LRP2: variants seen among roughly 807,000 people sequenced by gnomAD.
LRP2 encodes the protein LDL receptor related protein 2, also known as low-density lipoprotein receptor-related protein 2.
In LRP2, 172 loss-of-function variants were observed where a neutral mutation model predicts 531.0. The ratio of observed to expected loss-of-function variants is 0.32; its 90% CI spans 0.29 to 0.37. The LOEUF (loss-of-function observed/expected upper bound fraction) is 0.37. Among genes scored for constraint, LRP2 ranks in the 10% least tolerant of loss-of-function variants. LRP2 has a pLI of 1.00. For missense variants in LRP2, 5,167 were observed against 5,868.3 expected (o/e 0.88, Z 3.90); for synonymous variants, 1,992 against 2,027.6 (o/e 0.98, Z 0.47).
intron 31 of LRP2, among the ~76,000 whole-genome samples, chr2:169,227,520 G>T (rs1689245114): frequency 6.6e-6 from 1 of 152,106 alleles, no homozygotes; most frequent in Admixed American, 6.5e-5. Flanking sequence ...GAAAACTTTT[G>T]AATCTAAGTT....
intron 67 of LRP2, among the ~76,000 whole-genome samples, chr2:169,151,882 C>A (rs144493216): frequency 6.6e-6 from 1 of 152,108 alleles, no homozygotes; most frequent in African/African-American, 2.4e-5. Flanking sequence ...GCAGGCACAG[C>A]GGGACCCAAT....
intron 4 of LRP2, among the ~76,000 whole-genome samples, chr2:169,301,772 T>A (rs933733813): frequency 5.9e-5 from 9 of 152,220 alleles, no homozygotes; most frequent in Admixed American, 1.3e-4. Flanking sequence ...CTCTTTGTTC[T>A]GTAAAGGAAT....
At chr2:169,287,643 G>T (rs555284191) in intron 9 of LRP2, among the ~76,000 whole-genome samples, 17 of 149,384 alleles carry the variant, frequency 1.1e-4, no homozygotes, top group South Asian at 4.2e-4. Context: ...TTCCGCTGAA[G>T]AATAATAATA....
rs1272422151 is a variant in LRP2, at chr2:169,288,383, A to G, written c.1042+643T>C. Reference sequence around the variant, plus strand: ...AGAGATATGAGGAAATAGTTGGTGTACTGGTGTCTAGTTTAATGCCAGCCA... The same window carrying G: ...AGAGATATGAGGAAATAGTTGGTGTGCTGGTGTCTAGTTTAATGCCAGCCA... On this transcript the variant is annotated intron_variant, in intron 9 of 78. Coordinates refer to ENST00000649046, the MANE Select transcript of LRP2 (RefSeq NM_004525.3). Among the ~76,000 whole-genome samples the G allele has an allele frequency of 2.6e-5, 4 of 152,238 alleles. No individual in the cohort carries two copies. In the East Asian group the frequency reaches 7.7e-4, roughly 29 times the overall value.
chr2:169,362,253 C>T, intron 1 of LRP2, 68 bp downstream of exon 1: 1 of 1,407,132 alleles, frequency 7.1e-7, no homozygotes, highest in Non-Finnish European at 9.8e-7. Context: ...CTCCGGCCTC[C>T]CGCGGACCCG....
intron 1 of LRP2, among the ~76,000 whole-genome samples, chr2:169,327,148 C>A (rs1685094361): frequency 7.1e-6 from 1 of 140,608 alleles, no homozygotes; most frequent in Non-Finnish European, 1.6e-5. Flanking sequence ...GGGTCAGCCC[C>A]CCGCCCGGCC....
rs150525454 is a variant in LRP2, at chr2:169,187,933, C to A, written c.9328+37G>T. ...GGGTTGAGAATCCATATTCAGTCTC[C>A]CCTGTTTCCTTTTCCCAAATCCTCT... is the stretch of plus-strand genomic sequence containing the variant. On this transcript the variant is annotated intron_variant, in intron 49 of 78. Transcript: ENST00000649046. The A allele has an allele frequency of 2.7e-4, 435 of 1,605,074 alleles. 1 individual carries two copies. The East Asian group carries it at 7.5e-3, about 28-fold the overall frequency.
chr2:169,220,084 G>A (rs1020061292), intron 34 of LRP2, among the ~76,000 whole-genome samples: 24 of 152,072 alleles, frequency 1.6e-4, no homozygotes, highest in African/African-American at 5.6e-4. Context: ...CTACTAGAAG[G>A]CTTCTCATCC....
intron 3 of LRP2, among the ~76,000 whole-genome samples, chr2:169,312,055 G>A (rs1342158042): frequency 1.3e-5 from 2 of 152,054 alleles, no homozygotes; most frequent in Non-Finnish European, 2.9e-5. Context: ...CATTTGCTTG[G>A]TAGATCTTCC....
chr2:169,243,050 T>C lies in LRP2; in HGVS notation c.3573A>G (p.Gln1191=), dbSNP rs750430784. 16 of 1,613,698 alleles carry C rather than the reference T, an allele frequency of 9.9e-6. No homozygotes were observed. Among genetic ancestry groups the C allele is most frequent in the African/African-American group, 2.7e-5 (2 of 74,916 alleles). ...VGCVLNCTAS[Q]FKCASGDKCI... ...ATTTATCCCCACTGGCACACTTGAA[T>C]TGAGAAGCAGTACAGTTTAATACTA... Residue 1191 remains glutamine (Q), a synonymous_variant, in exon 24 of 79, where the codon CAA becomes CAG. Transcript: ENST00000649046.
intron 52 of LRP2, among the ~76,000 whole-genome samples, chr2:169,178,261 T>C (rs1390321009): frequency 2.0e-5 from 3 of 152,212 alleles, no homozygotes; most frequent in Admixed American, 1.3e-4. Flanking sequence ...AGGAATAGTG[T>C]CAGGAGTTTA....
At chr2:169,273,129 A>T (rs902872796) in intron 14 of LRP2, 62 bp from the exon 15 acceptor site, 3 of 1,582,096 alleles carry the variant, frequency 1.9e-6, no homozygotes, top group Admixed American at 1.7e-5. Context: ...CCAAGACATG[A>T]AGCCACTTCT....
At chr2:169,320,484 T>C in intron 2 of LRP2, among the ~76,000 whole-genome samples, 1 of 152,174 alleles carries the variant, frequency 6.6e-6, no homozygotes. Flanking sequence ...ACCTACAGAC[T>C]CCAGAAAACT....
intron 52 of LRP2, among the ~76,000 whole-genome samples, chr2:169,179,459 GC>G (rs775448643): frequency 3.8e-4 from 58 of 152,080 alleles, no homozygotes; most frequent in Non-Finnish European, 7.4e-4. Context: ...AGTGGCTCAC[GC>G]CTGTAATCCC....
At chr2:169,213,105 C>T (rs781070191) in intron 36 of LRP2, among the ~76,000 whole-genome samples, 3 of 152,052 alleles carry the variant, frequency 2.0e-5, no homozygotes, top group Middle Eastern at 3.2e-3. Context: ...ATACCTGTAT[C>T]ATACCACTAA....
In LRP2 at chr2:169,165,997, T is replaced by A. The variant is rs767827511; in HGVS notation, c.11693A>T (p.Tyr3898Phe). ...CACACCATTGCACACCTCATGACTA[T>A]AAATGCAGCGATTGTTGTCACACCG... ...RFRCDNNRCI[Y>F]SHEVCNGVDD... The change falls in exon 62 of 79, where the codon TAT (tyrosine) becomes TTT (phenylalanine). Residue 3898 changes from tyrosine to phenylalanine, a missense_variant. Transcript: ENST00000649046. 1.2e-5 allele frequency: 20 copies of A among 1,614,100 alleles called. No individual in the cohort carries two copies. In the East Asian group the frequency reaches 4.5e-4, roughly 36 times the overall value.
At chr2:169,292,217 A>G (rs1170394503) in intron 7 of LRP2, 36 bp downstream of exon 7, 1 of 1,442,774 alleles carries the variant, frequency 6.9e-7, no homozygotes, top group Non-Finnish European at 9.8e-7. Flanking sequence ...CACTTGAAGA[A>G]AATGCTTTTC....
At chr2:169,177,287 A>T (rs572872498) in intron 53 of LRP2, among the ~76,000 whole-genome samples, 5 of 152,208 alleles carry the variant, frequency 3.3e-5, no homozygotes, top group Non-Finnish European at 5.9e-5. Context: ...ATTGCATAAA[A>T]GGAATATAAG....
intron 72 of LRP2, among the ~76,000 whole-genome samples, chr2:169,140,071 G>A (rs566394895): frequency 6.6e-6 from 1 of 152,302 alleles, no homozygotes; most frequent in Admixed American, 6.5e-5. Flanking sequence ...AAGCAGCCCT[G>A]CAGACAGCTC....
Sources: allele counts gnomAD v4.1 joint callset (sites outside exome capture counted in the v4.1 genomes callset), GRCh38; gene constraint gnomAD v4.1.1; transcripts MANE v1.5; gene names NCBI Gene and HGNC (gene_info 2026-07-23, HGNC 2026-07-21).